The following NR5A2 variants were observed in gnomAD, a reference collection of about 807,000 sequenced individuals.
NR5A2 encodes CYP7A promoter-binding factor.
A neutral mutation model predicts 62.7 loss-of-function variants in NR5A2; 26 were observed. The observed-to-expected ratio is 0.41, with a 90% CI of 0.30 to 0.58. NR5A2 has a LOEUF of 0.58. Among genes scored for constraint, NR5A2 ranks in the 20% least tolerant of loss-of-function variants. The pLI, the probability that NR5A2 is intolerant of heterozygous loss-of-function variation, is 0.22. For missense variants in NR5A2, 541 were observed against 669.1 expected, an observed-to-expected ratio of 0.81 and a Z score of 2.11; for synonymous variants, 246 against 241.7, an observed-to-expected ratio of 1.02 and a Z score of -0.16.
intron 1 of NR5A2, among the ~76,000 whole-genome samples, chr1:200,034,237 C>T (rs368235515): frequency 6.6e-6 from 1 of 152,128 alleles, no homozygotes; most frequent in African/African-American, 2.4e-5. Flanking sequence ...CTGTTGGCCC[C>T]GAGGCTGGAC....
At chr1:200,101,301 G>A (rs762889532) in intron 5 of NR5A2, among the ~76,000 whole-genome samples, 4 of 151,994 alleles carry the variant, frequency 2.6e-5, no homozygotes, top group South Asian at 2.1e-4. Flanking sequence ...TATGTTGTTC[G>A]CTTTATTGTT....
chr1:200,046,682 A>G (rs989452427), intron 4 of NR5A2, among the ~76,000 whole-genome samples: 1 of 152,166 alleles, frequency 6.6e-6, no homozygotes, highest in Non-Finnish European at 1.5e-5. Context: ...GAAATAATTG[A>G]TGCTTATTAA....
At chr1:200,119,918 T>G (rs1300692295) in intron 6 of NR5A2, among the ~76,000 whole-genome samples, 1 of 152,118 alleles carries the variant, frequency 6.6e-6, no homozygotes, top group Non-Finnish European at 1.5e-5. Context: ...CAGCACTTTT[T>G]TTTTTTTAAT....
chr1:200,083,796 G>A (rs570071513), intron 5 of NR5A2, among the ~76,000 whole-genome samples: 76 of 151,788 alleles, frequency 5.0e-4, no homozygotes, highest in African/African-American at 1.6e-3. Flanking sequence ...GAGAAACCCC[G>A]TCTCTACTAA....
rs1056435108 is a variant in NR5A2, at chr1:200,045,647, C to T, written c.463+63C>T. Reference sequence around the variant, plus strand: ...TCCAAGGACATGAACTGTAAAACAACATTGTACTTATAGCATGGTAACATT... The same window carrying T: ...TCCAAGGACATGAACTGTAAAACAATATTGTACTTATAGCATGGTAACATT... On this transcript the variant is annotated intron_variant, in intron 4 of 7. Transcript: ENST00000367362. The T allele has an allele frequency of 3.0e-6, 4 of 1,352,902 alleles. No homozygotes were observed. The African/African-American group carries it at 4.4e-5, about 15-fold the overall frequency. 83.8% of individuals were successfully genotyped at this position (1,352,902 alleles called of 1,614,324 possible). A position where few individuals can be genotyped will look rare whatever the true frequency, so the allele number is the denominator to read the frequency against.
intron 5 of NR5A2, among the ~76,000 whole-genome samples, chr1:200,107,269 T>C (rs1185228948): frequency 6.6e-5 from 10 of 151,720 alleles, no homozygotes; most frequent in Non-Finnish European, 4.4e-5. Flanking sequence ...ATTCAGTCAT[T>C]TGTTCCTTCA....
At chr1:200,139,832 C>A (rs1439459407) in intron 7 of NR5A2, among the ~76,000 whole-genome samples, 1 of 152,200 alleles carries the variant, frequency 6.6e-6, no homozygotes, top group Non-Finnish European at 1.5e-5. Flanking sequence ...CTGTACAGAA[C>A]TCTAGGGGGC....
At chr1:200,131,179 A>C (rs1180100457) in intron 7 of NR5A2, among the ~76,000 whole-genome samples, 3 of 152,228 alleles carry the variant, frequency 2.0e-5, no homozygotes, top group African/African-American at 7.2e-5. Context: ...GAAGCAAATA[A>C]TGGCATATAA....
chr1:200,086,276 A>T (rs1003345205), intron 5 of NR5A2, among the ~76,000 whole-genome samples: 1 of 151,974 alleles, frequency 6.6e-6, no homozygotes, highest in Non-Finnish European at 1.5e-5. Flanking sequence ...GAGAGGTAAG[A>T]GGGTGGGGAG....
chr1:200,125,340 G>A (rs1232498122), intron 7 of NR5A2, among the ~76,000 whole-genome samples: 1 of 152,198 alleles, frequency 6.6e-6, no homozygotes, highest in Non-Finnish European at 1.5e-5. Flanking sequence ...TGGAGAAAAT[G>A]TTATATTTGT....
intron 1 of NR5A2, among the ~76,000 whole-genome samples, chr1:200,032,685 A>T (rs1235076223): frequency 6.6e-6 from 1 of 151,572 alleles, no homozygotes; most frequent in Non-Finnish European, 1.5e-5. Context: ...ATATATATCC[A>T]GCGTAATATA....
chr1:200,036,848 T>G (rs1661803057), intron 1 of NR5A2, among the ~76,000 whole-genome samples: 1 of 152,168 alleles, frequency 6.6e-6, no homozygotes, highest in South Asian at 2.1e-4. Flanking sequence ...GCTGCTACGC[T>G]TAGGTTTTGG....
At chr1:200,056,469 T>C (rs1662921473) in intron 5 of NR5A2, among the ~76,000 whole-genome samples, 1 of 152,226 alleles carries the variant, frequency 6.6e-6, no homozygotes, top group Non-Finnish European at 1.5e-5. Context: ...TAAAATTCTC[T>C]TGTGTCCCTT....
At chr1:200,091,848 G>C (rs1664832652) in intron 5 of NR5A2, among the ~76,000 whole-genome samples, 1 of 152,092 alleles carries the variant, frequency 6.6e-6, no homozygotes, top group Admixed American at 6.5e-5. Context: ...GTGTGTGAGT[G>C]TGTGTGGAGG....
intron 5 of NR5A2, among the ~76,000 whole-genome samples, chr1:200,082,631 C>T (rs1362512240): frequency 6.6e-6 from 1 of 152,078 alleles, no homozygotes; most frequent in East Asian, 1.9e-4. Context: ...AGTATTAAGA[C>T]TTATATGTCT....
intron 5 of NR5A2, among the ~76,000 whole-genome samples, chr1:200,050,960 A>G (rs1341378007): frequency 6.6e-6 from 1 of 152,200 alleles, no homozygotes; most frequent in Non-Finnish European, 1.5e-5. Flanking sequence ...GAATCTACAT[A>G]ATTTTTATAT....
At chr1:200,038,612 T>C in intron 1 of NR5A2, 1 of 823,416 alleles carries the variant, frequency 1.2e-6, no homozygotes. Context: ...TTTAAGTGGG[T>C]GTTTAACTCC....
At chr1:200,162,548 A>G (rs1215079565) in intron 7 of NR5A2, among the ~76,000 whole-genome samples, 2 of 152,210 alleles carry the variant, frequency 1.3e-5, no homozygotes, top group Non-Finnish European at 2.9e-5. Context: ...TTGGATTCAC[A>G]TTTAAAGTTA....
At chr1:200,156,288 G>A (rs1653380852) in intron 7 of NR5A2, among the ~76,000 whole-genome samples, 1 of 152,216 alleles carries the variant, frequency 6.6e-6, no homozygotes, top group Non-Finnish European at 1.5e-5. Flanking sequence ...CTCCCTCAGG[G>A]GAGAGGTCAG....
Sources: allele counts gnomAD v4.1 joint callset (sites outside exome capture counted in the v4.1 genomes callset), GRCh38; gene constraint gnomAD v4.1.1; transcripts MANE v1.5; gene names NCBI Gene and HGNC (gene_info 2026-07-23, HGNC 2026-07-21).